GALNT7: variants seen among roughly 807,000 people sequenced by gnomAD.
GALNT7 encodes N-acetylgalactosaminyltransferase 7.
A neutral mutation model predicts 82.1 loss-of-function variants in GALNT7; 60 were observed. The observed-to-expected ratio is 0.73, with a 90% confidence interval of 0.59 to 0.91. GALNT7 has a LOEUF of 0.91. GALNT7 is among the 40% of genes least tolerant of loss of function. The pLI, the probability that GALNT7 is intolerant of heterozygous loss-of-function variation, is 0.00. For missense variants in GALNT7, 660 were observed against 804.2 expected, an observed-to-expected ratio of 0.82 and a Z score of 2.17; for synonymous variants, 243 against 275.1, an observed-to-expected ratio of 0.88 and a Z score of 1.15.
intron 1 of GALNT7, among the ~76,000 whole-genome samples, chr4:173,242,056 T>C (rs1734453681): frequency 6.6e-6 from 1 of 152,208 alleles, no homozygotes; most frequent in African/African-American, 2.4e-5. Flanking sequence ...TACTGTGTAG[T>C]ACTCAGCCTG....
intron 1 of GALNT7, among the ~76,000 whole-genome samples, chr4:173,193,754 C>G (rs922664989): frequency 6.6e-6 from 1 of 152,056 alleles, no homozygotes; most frequent in Non-Finnish European, 1.5e-5. Flanking sequence ...ATTACAATCC[C>G]AAAACTAGTT....
chr4:173,189,996 T>A (rs554802455), intron 1 of GALNT7, among the ~76,000 whole-genome samples: 6 of 143,658 alleles, frequency 4.2e-5, no homozygotes, highest in African/African-American at 1.6e-4. Flanking sequence ...AAATGTTAGT[T>A]TTTTTTTTTT....
At chr4:173,266,978 C>G (rs1735526602) in intron 2 of GALNT7, among the ~76,000 whole-genome samples, 4 of 148,368 alleles carry the variant, frequency 2.7e-5, no homozygotes. Flanking sequence ...TATAAACATA[C>G]AGTTAGCTGG....
intron 2 of GALNT7, among the ~76,000 whole-genome samples, chr4:173,288,461 T>TCC (rs1736420348): frequency 6.6e-6 from 1 of 151,528 alleles, no homozygotes; most frequent in Non-Finnish European, 1.5e-5. Flanking sequence ...CCAGCAAGAC[T>TCC]CCCCATGGAG....
chr4:173,312,279 T>A (rs1169397540), intron 8 of GALNT7, among the ~76,000 whole-genome samples: 1 of 152,206 alleles, frequency 6.6e-6, no homozygotes, highest in Non-Finnish European at 1.5e-5. Context: ...TTATTCACGA[T>A]TCTGGTGGTT....
chr4:173,278,996 T>C (rs946889453), intron 2 of GALNT7, among the ~76,000 whole-genome samples: 1 of 152,170 alleles, frequency 6.6e-6, no homozygotes, highest in Non-Finnish European at 1.5e-5. Context: ...CCAACCAGTG[T>C]CCATAGAAAC....
intron 5 of GALNT7, chr4:173,297,814 C>T (rs1460118508): frequency 6.9e-7 from 1 of 1,451,604 alleles, no homozygotes; most frequent in East Asian, 2.5e-5. Context: ...TACTGTGCCT[C>T]TAATAGATTA....
intron 1 of GALNT7, among the ~76,000 whole-genome samples, chr4:173,183,600 T>A (rs1173103553): frequency 6.6e-6 from 1 of 152,194 alleles, no homozygotes; most frequent in Admixed American, 6.5e-5. Context: ...TTTCCCCACA[T>A]TTCCCCCTTT....
rs201117902 is a variant in GALNT7, at chr4:173,283,635, G to GAAA, written c.588-8457_588-8455dup. ...TGGGCGACAGAGCGAAACTCTGTCT[G>GAAA]AAAAAAAAAAAAAAAAAAGAAAGTG... On this transcript the variant is annotated intron_variant, in intron 2 of 11. Coordinates refer to ENST00000265000, the MANE Select transcript of GALNT7 (RefSeq NM_017423.3). Among the ~76,000 whole-genome samples the GAAA allele has an allele frequency of 3.4e-4, 32 of 92,844 alleles. 1 individual carries two copies. The East Asian group carries it at 6.9e-3, about 20-fold the overall frequency. 60.9% of individuals were successfully genotyped at this position (92,844 alleles called of 152,430 possible).
chr4:173,179,514 A>G (rs1193377209), intron 1 of GALNT7, among the ~76,000 whole-genome samples: 1 of 152,228 alleles, frequency 6.6e-6, no homozygotes, highest in African/African-American at 2.4e-5. Flanking sequence ...TAATGTGAGC[A>G]AGGTTTGCAA....
intron 1 of GALNT7, among the ~76,000 whole-genome samples, chr4:173,186,534 TTTCC>T (rs1376123187): frequency 2.2e-4 from 34 of 152,374 alleles, no homozygotes; most frequent in Admixed American, 1.2e-3. Flanking sequence ...ACATACTGTT[TTTCC>T]TTCCTTCTGT....
At chr4:173,306,411 G>A (rs1001504378) in intron 8 of GALNT7, among the ~76,000 whole-genome samples, 1 of 152,212 alleles carries the variant, frequency 6.6e-6, no homozygotes, top group Non-Finnish European at 1.5e-5. Flanking sequence ...ATGTTGAATA[G>A]AAGTGGGGAG....
intron 2 of GALNT7, among the ~76,000 whole-genome samples, chr4:173,291,794 GA>G (rs769433577): frequency 0.049 from 5,010 of 101,650 alleles, 147 homozygotes; most frequent in African/African-American, 0.11. Flanking sequence ...TCCAGGTCAT[GA>G]AAAAAAAAAA....
intron 11 of GALNT7, among the ~76,000 whole-genome samples, chr4:173,319,048 A>T (rs1442858891): frequency 6.6e-6 from 1 of 152,128 alleles, no homozygotes; most frequent in Non-Finnish European, 1.5e-5. Flanking sequence ...TTGTGTGCTA[A>T]ATACAGTGGG....
At chr4:173,220,014 A>G (rs924082562) in intron 1 of GALNT7, among the ~76,000 whole-genome samples, 4 of 152,080 alleles carry the variant, frequency 2.6e-5, no homozygotes. Context: ...CTGTGTATTT[A>G]TCTTTGTTTT....
chr4:173,176,771 A>T (rs561160840), intron 1 of GALNT7, among the ~76,000 whole-genome samples: 1 of 152,314 alleles, frequency 6.6e-6, no homozygotes, highest in East Asian at 1.9e-4. Flanking sequence ...TACATGGCTG[A>T]AAATTGGGTT....
At chr4:173,178,052 T>TGTGTGTGCGTGCGCGC (rs563102408) in intron 1 of GALNT7, among the ~76,000 whole-genome samples, 1 of 129,510 alleles carries the variant, frequency 7.7e-6, no homozygotes, top group Non-Finnish European at 1.6e-5. Context: ...TGTGTGTGTG[T>TGTGTGTGCGTGCGCGC]GCGCGCACGC....
intron 1 of GALNT7, among the ~76,000 whole-genome samples, chr4:173,191,483 C>T (rs145754392): frequency 6.6e-6 from 1 of 152,198 alleles, no homozygotes; most frequent in Non-Finnish European, 1.5e-5. Flanking sequence ...GCCAGATTCA[C>T]AAAGCAAAAT....
intron 1 of GALNT7, among the ~76,000 whole-genome samples, chr4:173,174,992 T>C (rs1040357227): frequency 1.3e-5 from 2 of 152,206 alleles, no homozygotes; most frequent in Non-Finnish European, 2.9e-5. Context: ...GAGAAAATAA[T>C]TCACGAATGA....
Sources: allele counts gnomAD v4.1 joint callset (sites outside exome capture counted in the v4.1 genomes callset), GRCh38; gene constraint gnomAD v4.1.1; transcripts MANE v1.5; gene names NCBI Gene and HGNC (gene_info 2026-07-23, HGNC 2026-07-21).